The following DNAH5 variants were observed in gnomAD, a reference collection of about 807,000 sequenced individuals.
The protein encoded by DNAH5 is dynein axonemal heavy chain 5.
A neutral mutation model predicts 518.2 loss-of-function variants in DNAH5; 372 were observed. That is an observed-to-expected ratio of 0.72 (90% CI 0.66 to 0.78). The LOEUF is 0.78. Among genes scored for constraint, DNAH5 ranks in the 30% least tolerant of loss-of-function variants. DNAH5 has a pLI of 0.00. For synonymous variants in DNAH5, 2,039 were observed against 2,025.9 expected (o/e 1.01, Z -0.17); for missense variants, 5,523 against 5,687.0 (o/e 0.97, Z 0.93).
At chr5:13,860,365 G>A (rs1178806269) in intron 29 of DNAH5, 3 of 152,212 alleles carry the variant, frequency 2.0e-5, no homozygotes, top group Non-Finnish European at 4.4e-5. Context: ...GCGGAACACT[G>A]GAATGATCTC....
chr5:13,739,168 T>G (rs1392360294), intron 65 of DNAH5, among the ~76,000 whole-genome samples: 1 of 152,148 alleles, frequency 6.6e-6, no homozygotes, highest in African/African-American at 2.4e-5. Context: ...ACTCTGGATA[T>G]GACTCAGTAG....
intron 75 of DNAH5, among the ~76,000 whole-genome samples, chr5:13,710,165 G>A (rs1235065487): frequency 6.6e-6 from 1 of 152,088 alleles, no homozygotes; most frequent in Non-Finnish European, 1.5e-5. Flanking sequence ...CCCAGTACCA[G>A]CCCAGAGCCA....
chr5:13,843,565 T>G (rs1347289101), intron 32 of DNAH5, among the ~76,000 whole-genome samples: 1 of 152,158 alleles, frequency 6.6e-6, no homozygotes, highest in African/African-American at 2.4e-5. Context: ...ACCTCTAGCC[T>G]CCAGAACTTT....
intron 52 of DNAH5, among the ~76,000 whole-genome samples, chr5:13,781,642 T>C (rs763817611): frequency 4.6e-5 from 7 of 152,098 alleles, no homozygotes; most frequent in Non-Finnish European, 8.8e-5. Flanking sequence ...ATCTTCCTCA[T>C]TTTTTGTCTT....
chr5:13,931,351 A>G, intron 1 of DNAH5, 107 bp from the exon 2 acceptor site: 2 of 1,330,910 alleles, frequency 1.5e-6, no homozygotes, highest in South Asian at 2.4e-5. Context: ...AGGTATCCAG[A>G]TAATAGACAG....
chr5:13,969,883 C>A (rs1781760198), intron 1 of DNAH5, among the ~76,000 whole-genome samples: 1 of 152,098 alleles, frequency 6.6e-6, no homozygotes, highest in African/African-American at 2.4e-5. Flanking sequence ...TCTTGACGAC[C>A]TGTAACTGGA....
intron 1 of DNAH5, among the ~76,000 whole-genome samples, chr5:13,937,917 T>C (rs1296228755): frequency 1.3e-5 from 2 of 152,200 alleles, no homozygotes; most frequent in East Asian, 3.8e-4. Flanking sequence ...GTAAATAATG[T>C]ATTCTATGAA....
Position 13,902,069 on chromosome 5 carries a change from A to G in DNAH5, c.1714T>C (p.Leu572=), listed in dbSNP as rs765545482. ...IQNTNQALRM[L]KKFERLNIPN... ...AAATTTTACCTTTCAAATTTCTTCA[A>G]CATTCTTAGAGCTTGATTTGTGTTT... The change falls in exon 13 of 79, where the codon TTG becomes CTG. Residue 572 remains leucine (L), a synonymous_variant. Transcript: ENST00000265104. 93 of 1,604,212 alleles carry G rather than the reference A, an allele frequency of 5.8e-5. No individual in the cohort carries two copies. Among genetic ancestry groups the G allele is most frequent in the Non-Finnish European group, 6.2e-5 (73 of 1,174,014 alleles).
At chr5:13,895,702 G>A (rs75312912) in intron 15 of DNAH5, among the ~76,000 whole-genome samples, 3 of 152,032 alleles carry the variant, frequency 2.0e-5, no homozygotes, top group Admixed American at 6.6e-5. Flanking sequence ...ACACATTTAC[G>A]TCTCCAGCCC....
intron 68 of DNAH5, among the ~76,000 whole-genome samples, chr5:13,733,629 A>T (rs915154247): frequency 6.6e-6 from 1 of 152,224 alleles, no homozygotes; most frequent in Non-Finnish European, 1.5e-5. Flanking sequence ...TTAAAGAGAG[A>T]GAGATTGTCT....
chr5:13,937,297 A>G (rs1470511800), intron 1 of DNAH5, among the ~76,000 whole-genome samples: 1 of 149,940 alleles, frequency 6.7e-6, no homozygotes, highest in East Asian at 2.0e-4. Flanking sequence ...TACAAGGGTT[A>G]TACGAGGAGT....
rs765845591 is a variant in DNAH5, at chr5:13,777,445, C to CA, written c.8952-91dup. ...ACAACGCATTATGCCATTTAGCTAA[C>CA]AAAAAAATGCTGATTTTGTTCTATC... On this transcript the variant is annotated intron_variant, in intron 53 of 78. Coordinates refer to ENST00000265104, the MANE Select transcript of DNAH5 (RefSeq NM_001369.3). 2.0e-4 allele frequency: 237 copies of CA among 1,164,136 alleles called. 3 individuals carry two copies. In the South Asian group the frequency reaches 2.6e-3, roughly 13 times the overall value. 72.1% of individuals were successfully genotyped at this position (1,164,136 alleles called of 1,614,324 possible).
Position 13,699,490 on chromosome 5 carries a change from C to A in DNAH5, c.13723+1150G>T, listed in dbSNP as rs372830228. On this transcript the variant is annotated intron_variant, in intron 78 of 78. Coordinates refer to ENST00000265104, the MANE Select transcript of DNAH5 (RefSeq NM_001369.3). ...GCACTTTGGGAGGCCAAGGCGGGGGCAGATCATGAGGTCAGGAGTTCGAGA... is the reference window on the plus strand; with the variant it reads ...GCACTTTGGGAGGCCAAGGCGGGGGAAGATCATGAGGTCAGGAGTTCGAGA... Among the ~76,000 whole-genome samples, 23 of 152,198 alleles carry A rather than the reference C, an allele frequency of 1.5e-4. No individual in the cohort carries two copies. The East Asian group carries it at 4.3e-3, about 28-fold the overall frequency.
chr5:13,713,684 TG>T (rs2126488884), intron 75 of DNAH5, among the ~76,000 whole-genome samples: 1 of 143,464 alleles, frequency 7.0e-6, no homozygotes, highest in Non-Finnish European at 1.5e-5. Flanking sequence ...TTTGGGGACT[TG>T]GGGGGAAGAG....
At chr5:13,702,237 A>C (rs1169017679) in intron 76 of DNAH5, among the ~76,000 whole-genome samples, 1 of 152,262 alleles carries the variant, frequency 6.6e-6, no homozygotes, top group Non-Finnish European at 1.5e-5. Flanking sequence ...GTATGAATAA[A>C]TGTAGTAATC....
intron 1 of DNAH5, among the ~76,000 whole-genome samples, chr5:13,953,684 T>C (rs1780577929): frequency 6.6e-6 from 1 of 152,198 alleles, no homozygotes; most frequent in South Asian, 2.1e-4. Flanking sequence ...TCATTCAAAA[T>C]GTGGGATGCT....
In DNAH5 at chr5:13,916,773, C is replaced by T. The variant is rs572710019; in HGVS notation, c.1090-318G>A. 1.4e-4 allele frequency among the ~76,000 whole-genome samples: 21 copies of T among 151,818 alleles called. No individual in the cohort carries two copies. In the South Asian group the frequency reaches 1.5e-3, roughly 11 times the overall value. ...TGTACTAAGTAAAAGCAGGCACTTCCGAAAGCTAAAAGATTAAAAAAAAAC... is the reference window on the plus strand; with the variant it reads ...TGTACTAAGTAAAAGCAGGCACTTCTGAAAGCTAAAAGATTAAAAAAAAAC... On this transcript the variant is annotated intron_variant, in intron 8 of 78. Transcript: ENST00000265104.
chr5:13,721,294 T>C, intron 70 of DNAH5, 49 bp from the exon 71 acceptor site: 2 of 1,611,848 alleles, frequency 1.2e-6, no homozygotes, highest in Non-Finnish European at 1.7e-6. Flanking sequence ...AACTCTTTCA[T>C]GTAGATAATG....
intron 51 of DNAH5, among the ~76,000 whole-genome samples, chr5:13,786,920 A>T (rs1195343928): frequency 6.6e-6 from 1 of 152,154 alleles, no homozygotes; most frequent in Non-Finnish European, 1.5e-5. Context: ...ATACTTTTTT[A>T]AAAAATTAGA....
Sources: gnomAD v4.1 joint callset for allele counts (sites outside exome capture counted in the v4.1 genomes callset) on GRCh38, gnomAD v4.1.1 for gene constraint, MANE v1.5 for transcripts, NCBI Gene and HGNC (gene_info 2026-07-23, HGNC 2026-07-21) for gene names.